The following SRMS variants were observed in gnomAD, a reference collection of about 807,000 sequenced individuals.
The protein encoded by SRMS is src-related kinase lacking C-terminal regulatory tyrosine and N-terminal myristylation sites.
Under a neutral mutation model 43.5 loss-of-function variants are expected in SRMS, and 42 were observed. The observed-to-expected ratio is 0.97, with a 90% confidence interval of 0.75 to 1.25. The LOEUF (loss-of-function observed/expected upper bound fraction) is 1.25. SRMS is among the 50% of genes most tolerant of loss of function. The pLI is 0.00. For missense variants in SRMS, 703 were observed against 681.0 expected, an observed-to-expected ratio of 1.03 and a Z score of -0.36; for synonymous variants, 316 against 308.2, an observed-to-expected ratio of 1.03 and a Z score of -0.27.
At chr20:63,543,734 A>G (rs974008379) in intron 2 of SRMS, 29 of 498,528 alleles carry the variant, frequency 5.8e-5, no homozygotes, top group Admixed American at 3.7e-5. Flanking sequence ...TACTTGTAGA[A>G]TGAATGAGTC....
chr20:63,541,693 C>T (rs2082704923), intron 5 of SRMS, 73 bp from the exon 6 acceptor site: 1 of 1,420,702 alleles, frequency 7.0e-7, no homozygotes. Flanking sequence ...ACCCACGTCA[C>T]CTTCCCCCAT....
chr20:63,543,570 A>G, intron 2 of SRMS, 90 bp from the exon 3 acceptor site: 2 of 1,486,722 alleles, frequency 1.3e-6, no homozygotes, highest in African/African-American at 1.4e-5. Context: ...CAACCCACTA[A>G]GGGGTCTGGC....
chr20:63,542,064 C>A (rs558489724), intron 5 of SRMS, 99 bp downstream of exon 5: 3 of 1,496,910 alleles, frequency 2.0e-6, no homozygotes, highest in Non-Finnish European at 1.8e-6. Flanking sequence ...TAGAGAGGCC[C>A]GGTTCACCTC....
intron 5 of SRMS, 76 bp from the exon 6 acceptor site, chr20:63,541,696 T>TCCC: frequency 1.4e-6 from 2 of 1,410,622 alleles, no homozygotes; most frequent in Non-Finnish European, 1.9e-6. Context: ...CACGTCACCT[T>TCCC]CCCCCATGCC....
chr20:63,544,094 G>A, intron 2 of SRMS, 133 bp downstream of exon 2: 1 of 1,100,876 alleles, frequency 9.1e-7, no homozygotes, highest in Non-Finnish European at 1.2e-6. Context: ...GAGGTGACCA[G>A]CATATCTGCT....
At position 63,539,201 on chromosome 20, in the gene SRMS, C is replaced by G. The variant is rs2145981074; in HGVS notation, c.*1617G>C. 6.6e-6 allele frequency among the ~76,000 whole-genome samples: 1 copy of G among 152,346 alleles called. No homozygotes were observed. The highest frequency in any genetic ancestry group is 1.5e-5 in the Non-Finnish European group (1 of 68,028). The stretch of plus-strand genomic sequence containing the variant: ...GGTCCCAAAGGCTCAGATAAAGCCT[C>G]TTGCCTCCACCATCTGCAGGGGTCC... On this transcript the variant is annotated 3_prime_UTR_variant, in exon 8 of 8. Transcript: ENST00000217188.
rs918327941 is a variant in SRMS, at chr20:63,541,360, G to A, written c.1129-13C>T. 2 of 1,541,598 alleles carry A rather than the reference G, an allele frequency of 1.3e-6. No homozygotes were observed. Among genetic ancestry groups the A allele is most frequent in the Admixed American group, 4.0e-5 (2 of 50,360 alleles). On this transcript the variant is annotated splice_polypyrimidine_tract_variant and intron_variant, in intron 6 of 7. Transcript: ENST00000217188. ...AGTAGATGTCGTCCTGGGGGCGAGGGAAGGCCCCTGGTAGGGCAGGTGGAC... is the reference window on the plus strand; with the variant it reads ...AGTAGATGTCGTCCTGGGGGCGAGGAAAGGCCCCTGGTAGGGCAGGTGGAC...
chr20:63,545,990 C>A (rs543839295), intron 1 of SRMS, among the ~76,000 whole-genome samples: 9 of 152,106 alleles, frequency 5.9e-5, no homozygotes, highest in Non-Finnish European at 1.2e-4. Flanking sequence ...TGAGGTCTCT[C>A]CCTGGGGCGT....
chr20:63,541,711 C>T, intron 5 of SRMS, 91 bp from the exon 6 acceptor site: 3 of 1,376,566 alleles, frequency 2.2e-6, no homozygotes, highest in Non-Finnish European at 1.9e-6. Context: ...CATGCCTCAG[C>T]CTCCTCATCT....
At chr20:63,541,687 A>T in intron 5 of SRMS, 67 bp from the exon 6 acceptor site, 2 of 1,425,548 alleles carry the variant, frequency 1.4e-6, no homozygotes, top group Non-Finnish European at 1.8e-6. Flanking sequence ...GCGTCCACCC[A>T]CGTCACCTTC....
In SRMS at chr20:63,539,657, C is replaced by T. The variant is rs2145981349; in HGVS notation, c.*1161G>A. On this transcript the variant is annotated 3_prime_UTR_variant, in exon 8 of 8. Transcript: ENST00000217188. ...GACCTGAGCAGAAGCTTCCCTGAGC[C>T]AGACGTGGGGAGACGAGGGCGGACC... Among the ~76,000 whole-genome samples, 1 of 152,314 alleles carries T rather than the reference C, an allele frequency of 6.6e-6. No homozygotes were observed. Among genetic ancestry groups the T allele is most frequent in the African/African-American group, 2.4e-5 (1 of 41,562 alleles).
chr20:63,542,342 C>T (rs765450677), intron 4 of SRMS, 21 bp from the exon 5 acceptor site: 27 of 1,601,238 alleles, frequency 1.7e-5, no homozygotes, highest in Non-Finnish European at 2.2e-5. Flanking sequence ...GGGTGTGGCT[C>T]CAGGACCGGC....
chr20:63,543,059 G>A (rs1341684186), intron 3 of SRMS, among the ~76,000 whole-genome samples: 1 of 152,176 alleles, frequency 6.6e-6, no homozygotes, highest in Non-Finnish European at 1.5e-5. Flanking sequence ...CTGCAGAGCT[G>A]GGCACTGCTA....
At position 63,540,929 on chromosome 20, in the gene SRMS, C is replaced by T. The variant is rs200883545; in HGVS notation, c.1356G>A (p.Pro452=). 275 of 1,607,126 alleles carry T rather than the reference C, an allele frequency of 1.7e-4. No homozygotes were observed. In the African/African-American group the frequency reaches 2.3e-3, roughly 13 times the overall value. Reference sequence around the variant, plus strand: ...CCAGCATGAGCACGTAGACCTCCGCCGGGCAGGCAGCCGGGCGCGGCAGCC... The same window carrying T: ...CCAGCATGAGCACGTAGACCTCCGCTGGGCAGGCAGCCGGGCGCGGCAGCC... The part of the protein sequence containing the change: ...GYRLPRPAAC[P]AEVYVLMLEC... Residue 452 remains proline (P), a synonymous_variant, in exon 8 of 8, where the codon CCG becomes CCA. Coordinates refer to ENST00000217188, the MANE Select transcript of SRMS (RefSeq NM_080823.4).
chr20:63,542,357 G>T (rs371550355), intron 4 of SRMS, 36 bp from the exon 5 acceptor site: 1 of 1,597,866 alleles, frequency 6.3e-7, no homozygotes, highest in Admixed American at 1.7e-5. Flanking sequence ...ACCGGCCCAC[G>T]CCACGAACAT....
Position 63,542,433 on chromosome 20 carries a change from G to C in SRMS, c.787+7C>G. On this transcript the variant is annotated splice_region_variant and intron_variant, in intron 4 of 7. Transcript: ENST00000217188. ...CCCGGCCGTGGCGCAGGATCTCGGG[G>C]CCTCACCTGACTTGATGACCTTGAT... The C allele has an allele frequency of 6.2e-7, 1 of 1,609,580 alleles. No individual in the cohort carries two copies. Among genetic ancestry groups the C allele is most frequent in the Non-Finnish European group, 8.5e-7 (1 of 1,177,960 alleles).
Position 63,539,314 on chromosome 20 carries a change from T to G in SRMS, c.*1504A>C, listed in dbSNP as rs1219101957. Among the ~76,000 whole-genome samples, 1 of 152,208 alleles carries G rather than the reference T, an allele frequency of 6.6e-6. No individual in the cohort carries two copies. Among genetic ancestry groups the G allele is most frequent in the Admixed American group, 6.5e-5 (1 of 15,284 alleles). On this transcript the variant is annotated 3_prime_UTR_variant, in exon 8 of 8. Transcript: ENST00000217188. Reference sequence around the variant, plus strand: ...CCGCGCTGCCTCCGTTCTCGGAGCCTCCGAGTGGCCTCTTCCTTCCCCGGG... The same window carrying G: ...CCGCGCTGCCTCCGTTCTCGGAGCCGCCGAGTGGCCTCTTCCTTCCCCGGG...
chr20:63,546,197 C>T (rs917216092), intron 1 of SRMS, among the ~76,000 whole-genome samples: 1 of 152,184 alleles, frequency 6.6e-6, no homozygotes, highest in African/African-American at 2.4e-5. Flanking sequence ...GCTGCTTGCC[C>T]CCCAACCACT....
Position 63,542,359 on chromosome 20 carries a change from C to T in SRMS, c.788-38G>A, listed in dbSNP as rs781647229. The T allele has an allele frequency of 2.5e-6, 4 of 1,597,666 alleles. No individual in the cohort carries two copies. The South Asian group carries it at 3.3e-5, about 13-fold the overall frequency. On this transcript the variant is annotated intron_variant, in intron 4 of 7. Transcript: ENST00000217188. ...GTGTGGCTCCAGGACCGGCCCACGC[C>T]ACGAACATCACTGCCCTGGGGCTTG...
Sources: gnomAD v4.1 joint callset for allele counts (sites outside exome capture counted in the v4.1 genomes callset) on GRCh38, gnomAD v4.1.1 for gene constraint, MANE v1.5 for transcripts, NCBI Gene and HGNC (gene_info 2026-07-23, HGNC 2026-07-21) for gene names.